The following ITGA9 variants were observed in gnomAD, a reference collection of about 807,000 sequenced individuals.
ITGA9 encodes the protein integrin subunit alpha 9.
A neutral mutation model predicts 127.8 loss-of-function variants in ITGA9; 56 were observed. The ratio of observed to expected loss-of-function variants is 0.44; its 90% CI spans 0.35 to 0.55. The LOEUF (loss-of-function observed/expected upper bound fraction) is 0.55, where lower values mean the gene tolerates loss of function less well. Among genes scored for constraint, ITGA9 ranks in the 20% least tolerant of loss-of-function variants. The pLI is 0.00. For missense variants in ITGA9, 1,196 were observed against 1,347.1 expected (o/e 0.89, Z 1.76); for synonymous variants, 508 against 514.5 (o/e 0.99, Z 0.17).
intron 16 of ITGA9, among the ~76,000 whole-genome samples, chr3:37,651,266 A>G (rs1700426683): frequency 6.6e-6 from 1 of 152,226 alleles, no homozygotes; most frequent in Non-Finnish European, 1.5e-5. Flanking sequence ...GTTCAAGGAA[A>G]AGTTAGGACA....
chr3:37,796,425 G>A (rs552009702), intron 26 of ITGA9, among the ~76,000 whole-genome samples: 2 of 152,248 alleles, frequency 1.3e-5, no homozygotes, highest in South Asian at 4.1e-4. Context: ...TTTCCACAAT[G>A]TCTAGCACAT....
intron 15 of ITGA9, among the ~76,000 whole-genome samples, chr3:37,607,902 A>G (rs148869284): frequency 2.6e-5 from 4 of 152,344 alleles, no homozygotes; most frequent in African/African-American, 9.6e-5. Context: ...CAAATTGAAT[A>G]GGAACCATTT....
intron 26 of ITGA9, among the ~76,000 whole-genome samples, chr3:37,786,665 C>T (rs1387738364): frequency 1.3e-5 from 2 of 151,956 alleles, no homozygotes; most frequent in Non-Finnish European, 2.9e-5. Context: ...AATAAAACTT[C>T]AGTCCTGTCC....
chr3:37,772,416 A>C (rs1575230734), intron 23 of ITGA9, among the ~76,000 whole-genome samples: 2 of 152,032 alleles, frequency 1.3e-5, no homozygotes, highest in Admixed American at 6.6e-5. Context: ...TCAAAAAAAA[A>C]ACAAAAATGT....
chr3:37,775,864 G>A lies in ITGA9; in HGVS notation c.2542-1528G>A, dbSNP rs141295438. On this transcript the variant is annotated intron_variant, in intron 23 of 27. Transcript: ENST00000264741. ...CCAAATGAATATAAATCATTCTACC[G>A]TAAAGACACATGCACATGAATGTTC... 1.3e-4 allele frequency among the ~76,000 whole-genome samples: 20 copies of A among 152,154 alleles called. No individual in the cohort carries two copies. In the East Asian group the frequency reaches 3.3e-3, roughly 25 times the overall value.
At chr3:37,638,565 A>G (rs1010847627) in intron 16 of ITGA9, among the ~76,000 whole-genome samples, 1 of 152,090 alleles carries the variant, frequency 6.6e-6, no homozygotes, top group Non-Finnish European at 1.5e-5. Flanking sequence ...TAACCTGTGT[A>G]TATATACACA....
At chr3:37,610,644 G>T (rs1187305842) in intron 15 of ITGA9, among the ~76,000 whole-genome samples, 1 of 152,194 alleles carries the variant, frequency 6.6e-6, no homozygotes, top group African/African-American at 2.4e-5. Context: ...ATAAAAGCAG[G>T]TAGCCCAGTC....
intron 15 of ITGA9, among the ~76,000 whole-genome samples, chr3:37,623,258 C>T (rs181759519): frequency 1.5e-4 from 23 of 152,334 alleles, no homozygotes; most frequent in African/African-American, 5.1e-4. Flanking sequence ...ACAATTGTGG[C>T]GTACAGTAAA....
chr3:37,632,240 G>T (rs1283820988), intron 16 of ITGA9, among the ~76,000 whole-genome samples: 1 of 152,194 alleles, frequency 6.6e-6, no homozygotes, highest in African/African-American at 2.4e-5. Flanking sequence ...GACCCAAGGA[G>T]ATTTAGGAAT....
At position 37,452,622 on chromosome 3, in the gene ITGA9, G is replaced by GCGCCGC; in HGVS notation, c.185+71_185+76dup. ...GGCCACCGCCCCGGCCCCCAGGCCA[G>GCGCCGC]CGCCGCCGCCGCCTTTCCGGTCTCT... is the stretch of plus-strand genomic sequence containing the variant. On this transcript the variant is annotated intron_variant, in intron 1 of 27. Coordinates refer to ENST00000264741, the MANE Select transcript of ITGA9 (RefSeq NM_002207.3). This position sits in a 1 kb window ranked among gnomAD's most constrained non-coding sequence, Gnocchi z 7.3. 7.4e-7 allele frequency: 1 copy of GCGCCGC among 1,356,470 alleles called. No individual in the cohort carries two copies. Among genetic ancestry groups the GCGCCGC allele is most frequent in the Non-Finnish European group, 9.7e-7 (1 of 1,034,146 alleles). The allele number at this position is 1,356,470 out of a possible 1,614,324, so 84.0% of individuals were successfully genotyped here.
chr3:37,496,267 A>G (rs1483781988), intron 5 of ITGA9, among the ~76,000 whole-genome samples: 1 of 152,176 alleles, frequency 6.6e-6, no homozygotes, highest in East Asian at 1.9e-4. Context: ...TCCAACCCCC[A>G]TTCCGCACCC....
At chr3:37,754,764 T>C (rs1696629876) in intron 23 of ITGA9, among the ~76,000 whole-genome samples, 1 of 152,202 alleles carries the variant, frequency 6.6e-6, no homozygotes, top group Non-Finnish European at 1.5e-5. Context: ...CTGTAAAATC[T>C]TCCCTCCCCA....
chr3:37,521,500 C>G (rs1157253008), intron 11 of ITGA9, among the ~76,000 whole-genome samples: 3 of 152,232 alleles, frequency 2.0e-5, no homozygotes, highest in Non-Finnish European at 4.4e-5. Context: ...TGATCCTTCT[C>G]TTGCTGGAGG....
chr3:37,631,132 A>C (rs1700226900), intron 16 of ITGA9, among the ~76,000 whole-genome samples: 1 of 152,154 alleles, frequency 6.6e-6, no homozygotes, highest in African/African-American at 2.4e-5. Context: ...TGGACTGATA[A>C]ACTTACCCAT....
intron 17 of ITGA9, among the ~76,000 whole-genome samples, chr3:37,682,258 T>A (rs1468364131): frequency 6.6e-6 from 1 of 152,232 alleles, no homozygotes; most frequent in Non-Finnish European, 1.5e-5. Context: ...TCTCTCCAGT[T>A]AGGCTTTCCT....
At chr3:37,675,192 G>C (rs892291341) in intron 17 of ITGA9, among the ~76,000 whole-genome samples, 1 of 152,130 alleles carries the variant, frequency 6.6e-6, no homozygotes, top group East Asian at 1.9e-4. Flanking sequence ...GCAGCCCCCC[G>C]CCTTTGCAGT....
intron 15 of ITGA9, among the ~76,000 whole-genome samples, chr3:37,596,441 G>C (rs1258603921): frequency 1.3e-5 from 2 of 152,182 alleles, no homozygotes; most frequent in Non-Finnish European, 2.9e-5. Flanking sequence ...AGAGAAAAGG[G>C]TGTTCTTCCT....
chr3:37,528,377 A>G lies in ITGA9; in HGVS notation c.1373+2306A>G, dbSNP rs542084256. On this transcript the variant is annotated intron_variant, in intron 13 of 27. Coordinates refer to ENST00000264741, the MANE Select transcript of ITGA9 (RefSeq NM_002207.3). ...ACAGGGACAAATGTAAAGTTCTTCA[A>G]GAAGAACTCCAGGGAGAGCACATAT... Among the ~76,000 whole-genome samples the G allele has an allele frequency of 3.3e-5, 5 of 152,268 alleles. 2 individuals carry two copies. The highest frequency in any genetic ancestry group is 1.2e-4 in the African/African-American group (5 of 41,556).
At chr3:37,551,569 G>T (rs1175573967) in intron 15 of ITGA9, among the ~76,000 whole-genome samples, 17 of 152,160 alleles carry the variant, frequency 1.1e-4, no homozygotes, top group Admixed American at 1.1e-3. Flanking sequence ...AACATATCAA[G>T]GTGGCCCAAA....
Sources: gnomAD v4.1 joint callset for allele counts (sites outside exome capture counted in the v4.1 genomes callset) on GRCh38, gnomAD v4.1.1 for gene constraint, Gnocchi (gnomAD v3.1) non-coding constraint, MANE v1.5 for transcripts, NCBI Gene and HGNC (gene_info 2026-07-23, HGNC 2026-07-21) for gene names.